Variants in NLGN1 observed in about 807,000 individuals in gnomAD.
The protein encoded by NLGN1 is neuroligin-1.
Under a neutral mutation model 65.5 loss-of-function variants are expected in NLGN1, and 12 were observed. That is an observed-to-expected ratio of 0.18 (90% CI 0.12 to 0.30). The LOEUF is 0.30. NLGN1 is among the 10% of genes least tolerant of loss of function. NLGN1 has a pLI of 1.00. For synonymous variants in NLGN1, 350 were observed against 359.5 expected (o/e 0.97, Z 0.30); for missense variants, 750 against 1,007.1 (o/e 0.74, Z 3.46).
intron 2 of NLGN1, among the ~76,000 whole-genome samples, chr3:173,601,860 T>G (rs1750596992): frequency 6.6e-6 from 1 of 152,034 alleles, no homozygotes; most frequent in Non-Finnish European, 1.5e-5. Context: ...GTAGATCATT[T>G]TTTAATTTCT....
In NLGN1 at chr3:173,800,457, A is replaced by T. The variant is rs1025421853; in HGVS notation, c.494-7223A>T. The T allele has an allele frequency of 1.4e-4, 40 of 278,310 alleles. 1 individual carries two copies. In the South Asian group the frequency reaches 1.7e-3, roughly 12 times the overall value. 17.2% of individuals were successfully genotyped at this position (278,310 alleles called of 1,614,324 possible). A position where few individuals can be genotyped will look rare whatever the true frequency, so the allele number is the denominator to read the frequency against. On this transcript the variant is annotated intron_variant, in intron 3 of 6. Transcript: ENST00000457714. ...GTCTTTTTTTGAAGAGTTGTTTTTAATTCCTGTTTTTGATGTGTTTTGTCT... is the reference window on the plus strand; with the variant it reads ...GTCTTTTTTTGAAGAGTTGTTTTTATTTCCTGTTTTTGATGTGTTTTGTCT...
At chr3:173,884,534 T>A (rs1367412924) in intron 4 of NLGN1, among the ~76,000 whole-genome samples, 3 of 152,134 alleles carry the variant, frequency 2.0e-5, no homozygotes, top group Non-Finnish European at 1.5e-5. Flanking sequence ...AGATACTGAT[T>A]TAGATTACTT....
chr3:173,428,586 T>G (rs2148729259), intron 1 of NLGN1, among the ~76,000 whole-genome samples: 1 of 152,186 alleles, frequency 6.6e-6, no homozygotes, highest in South Asian at 2.1e-4. Context: ...TTTGTCTCAA[T>G]TTTTATCTTT....
chr3:174,159,889 G>A lies in NLGN1; in HGVS notation c.647-115426G>A, dbSNP rs527638278. 1.1e-4 allele frequency among the ~76,000 whole-genome samples: 16 copies of A among 151,756 alleles called. No homozygotes were observed. In the South Asian group the frequency reaches 3.3e-3, roughly 31 times the overall value. On this transcript the variant is annotated intron_variant, in intron 4 of 6. Transcript: ENST00000457714. ...ACAAGATGCCATGACAGCCTCCATG[G>A]GGGATTGATTTCATTCTCTTAGTTG...
intron 4 of NLGN1, among the ~76,000 whole-genome samples, chr3:173,974,666 G>A (rs1381514656): frequency 6.6e-6 from 1 of 152,040 alleles, no homozygotes; most frequent in Non-Finnish European, 1.5e-5. Flanking sequence ...TTCAAAGAAA[G>A]CTTTAAGATT....
chr3:173,677,254 GA>G (rs1763290084), intron 3 of NLGN1, among the ~76,000 whole-genome samples: 1 of 151,978 alleles, frequency 6.6e-6, no homozygotes, highest in East Asian at 1.9e-4. Context: ...TCGATTATAT[GA>G]ATCCTGTCTC....
intron 4 of NLGN1, among the ~76,000 whole-genome samples, chr3:173,936,686 G>A (rs141824136): frequency 7.9e-5 from 12 of 151,932 alleles, no homozygotes; most frequent in Non-Finnish European, 1.8e-4. Context: ...TCATTTTTTA[G>A]GTCCTCAAGG....
chr3:174,275,144 T>TACTA lies in NLGN1; in HGVS notation c.647-166_647-163dup, dbSNP rs548468352. The stretch of plus-strand genomic sequence containing the variant: ...ATGTCATTTTTCAGATTTCAGCCAC[T>TACTA]ACTAACTATTCTTGCTAAAGTAAAT... On this transcript the variant is annotated intron_variant, in intron 4 of 6. Transcript: ENST00000457714. Among the ~76,000 whole-genome samples the TACTA allele has an allele frequency of 5.3e-5, 8 of 152,008 alleles. No individual in the cohort carries two copies. In the South Asian group the frequency reaches 1.4e-3, roughly 28 times the overall value.
intron 3 of NLGN1, among the ~76,000 whole-genome samples, chr3:173,607,598 T>A (rs1439593155): frequency 2.6e-5 from 4 of 151,826 alleles, no homozygotes; most frequent in Non-Finnish European, 5.9e-5. Flanking sequence ...AACTTTTACC[T>A]GTTTTTTTAA....
In NLGN1 at chr3:173,784,530, C is replaced by T. The variant is rs115608485; in HGVS notation, c.494-23150C>T. Among the ~76,000 whole-genome samples the T allele has an allele frequency of 7.2e-3, 1,098 of 151,924 alleles. 17 individuals are homozygous for T. Among genetic ancestry groups the T allele is most frequent in the African/African-American group, 0.024 (992 of 41,452 alleles). On this transcript the variant is annotated intron_variant, in intron 3 of 6. Coordinates refer to ENST00000457714, the Ensembl canonical transcript of NLGN1. ...GAAAGAAAGATGCACACACACAGAC[C>T]GTACCTAGAGGCAGAGAGCGAGAGG...
intron 4 of NLGN1, among the ~76,000 whole-genome samples, chr3:173,880,988 A>C (rs1276998643): frequency 1.3e-5 from 2 of 152,156 alleles, no homozygotes; most frequent in African/African-American, 4.8e-5. Context: ...TTGCATCTCA[A>C]AAAAAACCAC....
intron 4 of NLGN1, among the ~76,000 whole-genome samples, chr3:173,961,052 G>C: frequency 6.6e-6 from 1 of 151,934 alleles, no homozygotes; most frequent in East Asian, 1.9e-4. Context: ...GTGGTTTTAT[G>C]AATAGCATTT....
intron 2 of NLGN1, among the ~76,000 whole-genome samples, chr3:173,564,513 C>T (rs921570815): frequency 6.6e-6 from 1 of 152,212 alleles, no homozygotes; most frequent in Admixed American, 6.5e-5. Context: ...ATATAACTTG[C>T]CTTGACCATA....
intron 4 of NLGN1, among the ~76,000 whole-genome samples, chr3:174,092,711 A>G (rs1197784953): frequency 6.6e-6 from 1 of 151,990 alleles, no homozygotes; most frequent in Non-Finnish European, 1.5e-5. Context: ...CCATATATGC[A>G]CTCCAATGCA....
At chr3:173,724,759 A>G (rs9882979) in intron 3 of NLGN1, among the ~76,000 whole-genome samples, 115,790 of 152,032 alleles carry the variant, frequency 0.76, 45,111 homozygotes, top group East Asian at 0.87. Context: ...CACTATTCAT[A>G]ACAGCAAAGA....
chr3:173,410,014 A>G (rs1372880122), intron 1 of NLGN1, among the ~76,000 whole-genome samples: 3 of 152,090 alleles, frequency 2.0e-5, no homozygotes, highest in Non-Finnish European at 4.4e-5. Context: ...GATAAGGGGG[A>G]AAACAACCAA....
intron 4 of NLGN1, among the ~76,000 whole-genome samples, chr3:174,120,513 A>T (rs1385353498): frequency 2.0e-5 from 3 of 152,140 alleles, no homozygotes; most frequent in Non-Finnish European, 4.4e-5. Context: ...TCTCAAAAAA[A>T]AAATAAAAAT....
intron 3 of NLGN1, among the ~76,000 whole-genome samples, chr3:173,697,612 C>T (rs566362371): frequency 2.0e-4 from 31 of 152,178 alleles, no homozygotes; most frequent in African/African-American, 6.7e-4. Context: ...ACCGCAACCT[C>T]TGCCTCCCGG....
intron 4 of NLGN1, among the ~76,000 whole-genome samples, chr3:174,139,267 A>G (rs1378348640): frequency 6.6e-6 from 1 of 152,038 alleles, no homozygotes; most frequent in African/African-American, 2.4e-5. Flanking sequence ...GTATCTGCCT[A>G]TTTCTACCTT....
Sources: gnomAD v4.1 joint callset for allele counts (sites outside exome capture counted in the v4.1 genomes callset) on GRCh38, gnomAD v4.1.1 for gene constraint, MANE v1.5 for transcripts, NCBI Gene and HGNC (gene_info 2026-07-23, HGNC 2026-07-21) for gene names.